Variants in CDH3 observed in about 807,000 individuals in gnomAD.
The protein encoded by CDH3 is cadherin-3.
In CDH3, 54 loss-of-function variants were observed where a neutral mutation model predicts 82.0. The ratio of observed to expected loss-of-function variants is 0.66; its 90% confidence interval spans 0.53 to 0.83. The LOEUF (loss-of-function observed/expected upper bound fraction) is 0.83, where lower values mean the gene tolerates loss of function less well. Ranked by LOEUF, CDH3 falls within the 40% of genes least tolerant of loss-of-function variation. CDH3 has a pLI of 0.00. For missense variants in CDH3, 1,054 were observed against 1,084.6 expected, an observed-to-expected ratio of 0.97 and a Z score of 0.40; for synonymous variants, 446 against 437.9, an observed-to-expected ratio of 1.02 and a Z score of -0.23.
intron 2 of CDH3, among the ~76,000 whole-genome samples, chr16:68,650,796 C>T (rs566630817): frequency 1.1e-4 from 17 of 152,234 alleles, no homozygotes; most frequent in African/African-American, 4.1e-4. Context: ...CTACATGCTT[C>T]GGGATACAGC....
Position 68,652,391 on chromosome 16 carries a change from TCA to T in CDH3, c.160+6643_160+6644del, listed in dbSNP as rs139278112. Among the ~76,000 whole-genome samples the T allele has an allele frequency of 8.1e-3, 1,229 of 152,194 alleles. 15 individuals carry two copies. Among genetic ancestry groups the T allele is most frequent in the African/African-American group, 0.028 (1,178 of 41,506 alleles). ...CTAGGTTACCCAGTGCAGGGTGCTCTCACCTCCCTGCTGCACAAGGAAGGCAT... is the reference window on the plus strand; with the variant it reads ...CTAGGTTACCCAGTGCAGGGTGCTCTCCTCCCTGCTGCACAAGGAAGGCAT... On this transcript the variant is annotated intron_variant, in intron 2 of 15. Coordinates refer to ENST00000264012, the MANE Select transcript of CDH3 (RefSeq NM_001793.6).
intron 1 of CDH3, among the ~76,000 whole-genome samples, chr16:68,705,546 C>T (rs558640712): frequency 2.0e-5 from 3 of 151,864 alleles, no homozygotes; most frequent in Non-Finnish European, 4.4e-5. Flanking sequence ...CTCAGCCTCC[C>T]GAGTAGCTGG....
At chr16:68,678,693 C>G (rs2152100119) in intron 5 of CDH3, 37 bp downstream of exon 5, 2 of 1,614,112 alleles carry the variant, frequency 1.2e-6, no homozygotes, top group Non-Finnish European at 1.7e-6. Flanking sequence ...AATGTCCCCT[C>G]AGAAGTGGGA....
intron 10 of CDH3, among the ~76,000 whole-genome samples, 166 bp from the exon 11 acceptor site, chr16:68,685,039 C>T (rs762265723): frequency 6.6e-6 from 1 of 152,196 alleles, no homozygotes; most frequent in Non-Finnish European, 1.5e-5. Context: ...TCCTGGGACT[C>T]CTGCACCTGC....
Position 68,658,703 on chromosome 16 carries a change from C to T in CDH3, c.160+12953C>T, listed in dbSNP as rs566342824. Reference sequence around the variant, plus strand: ...CTTCTCCCTGTAGAGTCGCTTCATCCAGGCTTCCCACCGTACTTCGAAACC... The same window carrying T: ...CTTCTCCCTGTAGAGTCGCTTCATCTAGGCTTCCCACCGTACTTCGAAACC... On this transcript the variant is annotated intron_variant, in intron 2 of 15. Transcript: ENST00000264012. Among the ~76,000 whole-genome samples the T allele has an allele frequency of 6.6e-5, 10 of 152,238 alleles. No homozygotes were observed. In the South Asian group the frequency reaches 1.7e-3, roughly 25 times the overall value.
chr16:68,652,449 C>A (rs1960276067), intron 2 of CDH3, among the ~76,000 whole-genome samples: 1 of 151,964 alleles, frequency 6.6e-6, no homozygotes, highest in Non-Finnish European at 1.5e-5. Context: ...TTTCTAGGGC[C>A]AGAAACTATA....
In CDH3 at chr16:68,682,388, G is replaced by T; in HGVS notation, c.1083G>T (p.Ala361=). The T allele has an allele frequency of 6.2e-7, 1 of 1,614,054 alleles. No individual in the cohort carries two copies. Among genetic ancestry groups the T allele is most frequent in the Non-Finnish European group, 8.5e-7 (1 of 1,180,020 alleles). The part of the protein sequence containing the change: ...VTDLDAPNSP[A]WRATYLIMGG... ...ATCTGGACGCCCCCAACTCACCAGC[G>T]TGGCGTGCCACCTACCTTATCATGG... The change falls in exon 9 of 16, where the codon GCG becomes GCT. Residue 361 remains alanine (A), a synonymous_variant. Coordinates refer to ENST00000264012, the MANE Select transcript of CDH3 (RefSeq NM_001793.6).
intron 15 of CDH3, among the ~76,000 whole-genome samples, chr16:68,697,701 A>T (rs146455615): frequency 2.6e-5 from 4 of 152,210 alleles, no homozygotes; most frequent in African/African-American, 9.6e-5. Context: ...CGCTTATTAG[A>T]TAATGATAGC....
At chr16:68,661,197 C>T (rs1960565770) in intron 2 of CDH3, among the ~76,000 whole-genome samples, 1 of 152,138 alleles carries the variant, frequency 6.6e-6, no homozygotes, top group African/African-American at 2.4e-5. Context: ...TTTATGGCAC[C>T]ATTTCAAATT....
rs1249063377 is a variant in CDH3, at chr16:68,672,219, A to AT, written c.161-4165dup. On this transcript the variant is annotated intron_variant, in intron 2 of 15. Transcript: ENST00000264012. ...AAAAAAAAAAATAAATAAATAAAAA[A>AT]TAAAAAAAAAAGAAAATAAGTTTCT... 5.3e-5 allele frequency among the ~76,000 whole-genome samples: 8 copies of AT among 150,180 alleles called. No individual in the cohort carries two copies. The East Asian group carries it at 1.6e-3, about 29-fold the overall frequency.
At chr16:68,687,361 T>C in intron 11 of CDH3, 151 bp from the exon 12 acceptor site, 1 of 656,786 alleles carries the variant, frequency 1.5e-6, no homozygotes, top group South Asian at 1.7e-5. Context: ...GAAATGAGAA[T>C]GATGGCTCAA....
chr16:68,684,950 C>A, intron 10 of CDH3, 126 bp downstream of exon 10: 1 of 1,295,554 alleles, frequency 7.7e-7, no homozygotes, highest in South Asian at 1.2e-5. Flanking sequence ...TGCATAGGTT[C>A]TCTTCTTCCT....
intron 3 of CDH3, 95 bp from the exon 4 acceptor site, chr16:68,678,039 A>G (rs1961082025): frequency 8.3e-7 from 1 of 1,198,588 alleles, no homozygotes. Context: ...GTGAGCTACC[A>G]TGCCCAGCCA....
intron 1 of CDH3, among the ~76,000 whole-genome samples, chr16:68,711,914 G>A (rs1962035517): frequency 6.6e-6 from 1 of 152,118 alleles, no homozygotes; most frequent in Non-Finnish European, 1.5e-5. Flanking sequence ...AGCAGCCAGT[G>A]CTCCCAGGAC....
At chr16:68,677,619 TCCCAGCTA>T (rs1470159947) in intron 3 of CDH3, among the ~76,000 whole-genome samples, 2 of 152,118 alleles carry the variant, frequency 1.3e-5, no homozygotes, top group Non-Finnish European at 1.5e-5. Flanking sequence ...ATGCCTGTAA[TCCCAGCTA>T]CTCAGGAGGC....
chr16:68,726,347 A>G (rs1047775115), intron 2 of CDH3, among the ~76,000 whole-genome samples: 1 of 152,144 alleles, frequency 6.6e-6, no homozygotes, highest in African/African-American at 2.4e-5. Flanking sequence ...GCTGGACAAC[A>G]GGGAGCTCAG....
At chr16:68,710,924 A>AAGGAGAGAAGGGAGGGGAGGGG (rs1962018475) in intron 1 of CDH3, among the ~76,000 whole-genome samples, 1 of 131,562 alleles carries the variant, frequency 7.6e-6, no homozygotes, top group Non-Finnish European at 1.6e-5. Flanking sequence ...GGAGAGAGGG[A>AAGGAGAGAAGGGAGGGGAGGGG]AGGAGAGAAG....
At chr16:68,668,806 G>A (rs1960810204) in intron 2 of CDH3, among the ~76,000 whole-genome samples, 1 of 152,192 alleles carries the variant, frequency 6.6e-6, no homozygotes, top group South Asian at 2.1e-4. Context: ...AAAGAGGCCA[G>A]GATGTGGATG....
At chr16:68,711,618 C>T (rs1265049234) in intron 1 of CDH3, among the ~76,000 whole-genome samples, 1 of 152,120 alleles carries the variant, frequency 6.6e-6, no homozygotes, top group Non-Finnish European at 1.5e-5. Flanking sequence ...GGGGAAGTGG[C>T]CAGCAGCTGG....
Sources: allele counts gnomAD v4.1 joint callset (sites outside exome capture counted in the v4.1 genomes callset), GRCh38; gene constraint gnomAD v4.1.1; transcripts MANE v1.5; gene names NCBI Gene and HGNC (gene_info 2026-07-23, HGNC 2026-07-21).